Variants in FRMPD4 observed in about 807,000 individuals in gnomAD.
FRMPD4 encodes FERM and PDZ domain containing 4.
A neutral mutation model predicts 94.1 loss-of-function variants in FRMPD4; 22 were observed. That is an observed-to-expected ratio of 0.23 (90% confidence interval 0.17 to 0.33). The LOEUF (loss-of-function observed/expected upper bound fraction) is 0.33. FRMPD4 is among the 10% of genes least tolerant of loss of function. The probability of loss-of-function intolerance (pLI) is 1.00; values close to 1 mark genes in which losing one functional copy is unlikely to be tolerated. For missense variants in FRMPD4, 1,111 were observed against 1,339.9 expected (o/e 0.83, Z 2.67); for synonymous variants, 631 against 548.6 (o/e 1.15, Z -2.10).
chrX:11,925,370 C>T (rs188849103), intron 3 of FRMPD4, among the ~76,000 whole-genome samples: 3 of 111,534 alleles, frequency 2.7e-5, no homozygotes, highest in East Asian at 2.8e-4. Flanking sequence ...TTAACCAGGA[C>T]GTTCAGGACC....
chrX:12,488,877 A>C (rs2057764961), intron 1 of FRMPD4, among the ~76,000 whole-genome samples: 1 of 112,113 alleles, frequency 8.9e-6, no homozygotes, highest in African/African-American at 3.2e-5. Context: ...TCAAGGTGAC[A>C]CTATAAATCA....
At chrX:12,143,063 A>G (rs1338338434) in intron 1 of FRMPD4, among the ~76,000 whole-genome samples, 2 of 112,567 alleles carry the variant, frequency 1.8e-5, no homozygotes, top group Non-Finnish European at 3.8e-5. Context: ...ATGTATCTTT[A>G]AGGAATGAAC....
intron 3 of FRMPD4, among the ~76,000 whole-genome samples, chrX:11,923,912 AG>A (rs1241183445): frequency 8.9e-6 from 1 of 112,256 alleles, no homozygotes; most frequent in Non-Finnish European, 1.9e-5. Flanking sequence ...CTTTCCAGCA[AG>A]GGTTTGGAAC....
At chrX:12,660,419 C>G (rs937276511) in intron 4 of FRMPD4, among the ~76,000 whole-genome samples, 1 of 111,736 alleles carries the variant, frequency 8.9e-6, no homozygotes, top group Non-Finnish European at 1.9e-5. Context: ...ATTAATGTTA[C>G]AATTGGCAAA....
At position 12,664,083 on chromosome X, in the gene FRMPD4, C is replaced by T. The variant is rs181561995; in HGVS notation, c.423-10780C>T. ...CTGAGACTTTGCTGAAGTTGCTTTT[C>T]AGCCTAAGACGCTTTTGGGCTGAGA... On this transcript the variant is annotated intron_variant, in intron 4 of 16. Transcript: ENST00000675598. Among the ~76,000 whole-genome samples the T allele has an allele frequency of 1.3e-4, 15 of 112,380 alleles. No individual in the cohort carries two copies. The East Asian group carries it at 4.2e-3, about 31-fold the overall frequency.
intron 13 of FRMPD4, among the ~76,000 whole-genome samples, chrX:12,709,839 A>G (rs773809230): frequency 9.0e-6 from 1 of 111,647 alleles, no homozygotes; most frequent in African/African-American, 3.3e-5. Flanking sequence ...TTTCAATATG[A>G]CTGGGGGTCC....
At chrX:12,301,523 G>A (rs974542964) in intron 1 of FRMPD4, among the ~76,000 whole-genome samples, 6 of 111,313 alleles carry the variant, frequency 5.4e-5, no homozygotes, top group East Asian at 2.8e-4. Flanking sequence ...TCTGTCTTGC[G>A]AGACCCAGTC....
At chrX:12,430,162 T>G (rs1371542602) in intron 1 of FRMPD4, among the ~76,000 whole-genome samples, 1 of 93,090 alleles carries the variant, frequency 1.1e-5, no homozygotes, top group East Asian at 4.1e-4. Flanking sequence ...TAGACTGAAG[T>G]GCAAAAAAGC....
At chrX:12,360,377 G>A in intron 1 of FRMPD4, among the ~76,000 whole-genome samples, 1 of 111,456 alleles carries the variant, frequency 9.0e-6, no homozygotes, top group Non-Finnish European at 1.9e-5. Flanking sequence ...ATAGTTCACT[G>A]GGAACATATG....
At chrX:12,144,930 A>G (rs1375450022) in intron 1 of FRMPD4, among the ~76,000 whole-genome samples, 2 of 110,752 alleles carry the variant, frequency 1.8e-5, no homozygotes, top group Non-Finnish European at 3.8e-5. Context: ...TTTTTATTTT[A>G]GAAAGTCTTT....
intron 4 of FRMPD4, among the ~76,000 whole-genome samples, chrX:12,632,343 T>G (rs777052262): frequency 9.0e-6 from 1 of 111,650 alleles, no homozygotes; most frequent in Admixed American, 9.5e-5. Context: ...AGACCATTCT[T>G]CATTGTACAA....
At chrX:11,837,021 T>C (rs1044364167) in intron 1 of FRMPD4, among the ~76,000 whole-genome samples, 1 of 111,809 alleles carries the variant, frequency 8.9e-6, no homozygotes, top group Non-Finnish European at 1.9e-5. Flanking sequence ...CACTTTTCTG[T>C]TTTCTTATTG....
chrX:12,178,714 T>A (rs1446615249), intron 1 of FRMPD4, among the ~76,000 whole-genome samples: 1 of 111,749 alleles, frequency 8.9e-6, no homozygotes, highest in Non-Finnish European at 1.9e-5. Flanking sequence ...GGAGAAGGCA[T>A]AAGAGTTCGT....
intron 2 of FRMPD4, among the ~76,000 whole-genome samples, chrX:11,872,706 T>C (rs373592988): frequency 6.2e-5 from 7 of 112,355 alleles, no homozygotes; most frequent in African/African-American, 2.3e-4. Context: ...GGGTGATCTA[T>C]TTTTTAGAGT....
intron 1 of FRMPD4, among the ~76,000 whole-genome samples, chrX:12,374,570 T>TA (rs978209413): frequency 8.9e-6 from 1 of 111,792 alleles, no homozygotes; most frequent in Admixed American, 9.5e-5. Context: ...GGCAGTCCTT[T>TA]AAAAAACAAA....
At chrX:12,131,256 A>T (rs945393996) in intron 3 of FRMPD4, among the ~76,000 whole-genome samples, 2 of 112,105 alleles carry the variant, frequency 1.8e-5, no homozygotes, top group Non-Finnish European at 3.8e-5. Context: ...TATTTTATAG[A>T]TATACAGTTA....
intron 1 of FRMPD4, among the ~76,000 whole-genome samples, chrX:12,173,620 G>T (rs1439993197): frequency 1.8e-5 from 2 of 111,599 alleles, no homozygotes; most frequent in Non-Finnish European, 3.8e-5. Flanking sequence ...GAATATGCAG[G>T]GGAGGGGGCT....
upstream of FRMPD4, among the ~76,000 whole-genome samples, chrX:12,137,929 G>A (rs1176709543): frequency 3.6e-5 from 4 of 112,039 alleles, no homozygotes; most frequent in Non-Finnish European, 7.5e-5. Flanking sequence ...TCTGAGCCCG[G>A]TTAGAATTAG....
intron 1 of FRMPD4, among the ~76,000 whole-genome samples, chrX:12,373,864 G>C (rs773928444): frequency 1.8e-5 from 2 of 112,203 alleles, no homozygotes; most frequent in Non-Finnish European, 3.8e-5. Flanking sequence ...TTCCAAAGGC[G>C]GAACGGAGGG....
Sources: gnomAD v4.1 joint callset for allele counts (sites outside exome capture counted in the v4.1 genomes callset) on GRCh38, gnomAD v4.1.1 for gene constraint, MANE v1.5 for transcripts, NCBI Gene and HGNC (gene_info 2026-07-23, HGNC 2026-07-21) for gene names.